Variants in GRSF1 observed in about 807,000 individuals in gnomAD.
GRSF1 encodes the protein G-rich sequence factor 1.
A neutral mutation model predicts 51.1 loss-of-function variants in GRSF1; 50 were observed. The observed-to-expected ratio is 0.98, with a 90% CI of 0.78 to 1.24. The LOEUF (loss-of-function observed/expected upper bound fraction) is 1.24, where lower values mean the gene tolerates loss of function less well. GRSF1 is among the 50% of genes most tolerant of loss of function. The pLI is 0.00. For missense variants in GRSF1, 700 were observed against 639.7 expected (o/e 1.09, Z -1.02); for synonymous variants, 293 against 253.3 (o/e 1.16, Z -1.49).
chr4:70,825,454 C>G (rs368308484), intron 7 of GRSF1, 23 bp from the exon 8 acceptor site: 1 of 1,596,836 alleles, frequency 6.3e-7, no homozygotes, highest in Non-Finnish European at 8.6e-7. Context: ...CAAAGGCAGT[C>G]AAGAGGAACA....
At position 70,839,494 on chromosome 4, in the gene GRSF1, C is replaced by A. The variant is rs1315193608; in HGVS notation, c.334G>T (p.Val112Phe). The change falls in exon 1 of 10, where the codon GTC (valine) becomes TTC (phenylalanine). Residue 112 changes from valine (V) to phenylalanine (F), a missense_variant. Transcript: ENST00000254799. ...LPQSLAAAAA[V>F]PTRSYSQESK... is the part of the protein sequence containing the mutation. ...ACCTGGCTGTAGCTGCGCGTCGGGACGGCGGCCGCCGCCGCCAGCGACTGC... is the reference window on the plus strand; with the variant it reads ...ACCTGGCTGTAGCTGCGCGTCGGGAAGGCGGCCGCCGCCGCCAGCGACTGC... 5 of 1,416,138 alleles carry A rather than the reference C, an allele frequency of 3.5e-6. No homozygotes were observed. The highest frequency in any genetic ancestry group is 1.5e-5 in the African/African-American group (1 of 65,548). The allele number at this position is 1,416,138 out of a possible 1,614,324, so 87.7% of individuals were successfully genotyped here.
intron 9 of GRSF1, among the ~76,000 whole-genome samples, chr4:70,822,691 G>C (rs555880779): frequency 1.3e-5 from 2 of 151,844 alleles, no homozygotes; most frequent in South Asian, 4.2e-4. Context: ...AGTCTATTAC[G>C]ATTTATAGCT....
intron 3 of GRSF1, among the ~76,000 whole-genome samples, 159 bp from the exon 4 acceptor site, chr4:70,832,609 A>G (rs1358376487): frequency 6.6e-6 from 1 of 152,230 alleles, no homozygotes; most frequent in African/African-American, 2.4e-5. Flanking sequence ...CATTTATTGC[A>G]TATTTACCAT....
In GRSF1 at chr4:70,826,137, T is replaced by C. The variant is rs191106349; in HGVS notation, c.1244A>G (p.Gln415Arg). The change falls in exon 7 of 10, where the codon CAA becomes CGA. Residue 415 changes from glutamine to arginine, a missense_variant. Coordinates refer to ENST00000254799, the MANE Select transcript of GRSF1 (RefSeq NM_002092.4). Reference protein sequence around the residue: ...MRGLPFQANAQDIINFFAPLK... With the variant: ...MRGLPFQANARDIINFFAPLK... ...ACTGCCACACACGTTTATAATGTCT[T>C]GGGCATTGGCTTGGAAAGGTAATCC... The C allele has an allele frequency of 1.9e-6, 3 of 1,611,374 alleles. No homozygotes were observed. The highest frequency in any genetic ancestry group is 1.7e-5 in the Admixed American group (1 of 59,446).
chr4:70,833,124 C>A lies in GRSF1; in HGVS notation c.664G>T (p.Val222Leu). 1 of 1,613,466 alleles carries A rather than the reference C, an allele frequency of 6.2e-7. No individual in the cohort carries two copies. The highest frequency in any genetic ancestry group is 8.5e-7 in the Non-Finnish European group (1 of 1,179,682). Reference sequence around the variant, plus strand: ...ATAATCTGACTTCACATACCTTCCACATACCGCTGGCCCATGTACATGCGG... The same window carrying A: ...ATAATCTGACTTCACATACCTTCCAAATACCGCTGGCCCATGTACATGCGG... ...KHRMYMGQRY[V>L]EVYEINNEDV... Residue 222 changes from valine to leucine, a missense_variant, in exon 3 of 10, where the codon GTG becomes TTG. Coordinates refer to ENST00000254799, the MANE Select transcript of GRSF1 (RefSeq NM_002092.4).
Position 70,830,876 on chromosome 4 carries a change from T to C in GRSF1, c.950+663A>G, listed in dbSNP as rs147889953. 2.0e-3 allele frequency among the ~76,000 whole-genome samples: 306 copies of C among 152,232 alleles called. 1 individual carries two copies. The highest frequency in any genetic ancestry group is 7.0e-3 in the African/African-American group (292 of 41,524). On this transcript the variant is annotated intron_variant, in intron 5 of 9. Coordinates refer to ENST00000254799, the MANE Select transcript of GRSF1 (RefSeq NM_002092.4). ...ATTGGGAAAATGCTATTATGAACTG[T>C]TATTAGATAATATACTATTGCTAAC...
chr4:70,830,595 A>G (rs1324913502), intron 5 of GRSF1, among the ~76,000 whole-genome samples: 6 of 151,598 alleles, frequency 4.0e-5, no homozygotes, highest in South Asian at 2.1e-4. Context: ...GAGGTGGGTG[A>G]ATGACTTGAG....
intron 5 of GRSF1, among the ~76,000 whole-genome samples, chr4:70,830,410 A>T (rs956903344): frequency 1.3e-5 from 2 of 151,020 alleles, no homozygotes; most frequent in Non-Finnish European, 2.9e-5. Flanking sequence ...ATGCCACTGC[A>T]CTCCAGCCTG....
chr4:70,832,437 G>A lies in GRSF1; in HGVS notation c.684C>T (p.Asn228=), dbSNP rs766546049. ...TCATTAAGGCATCCACATCTTCATTGTTTATCTCATATACTACGAAGAAAA... is the reference window on the plus strand; with the variant it reads ...TCATTAAGGCATCCACATCTTCATTATTTATCTCATATACTACGAAGAAAA... ...GQRYVEVYEI[N]NEDVDALMKS... The change falls in exon 4 of 10, where the codon AAC becomes AAT. Residue 228 remains asparagine, a synonymous_variant. Transcript: ENST00000254799. The A allele has an allele frequency of 1.1e-4, 180 of 1,603,648 alleles. No individual in the cohort carries two copies. Among genetic ancestry groups the A allele is most frequent in the Non-Finnish European group, 1.5e-4 (172 of 1,170,966 alleles).
chr4:70,830,058 ACTGAT>A (rs1733896460), intron 5 of GRSF1, among the ~76,000 whole-genome samples: 1 of 152,226 alleles, frequency 6.6e-6, no homozygotes, highest in African/African-American at 2.4e-5. Context: ...GTACAAGACA[ACTGAT>A]CTAATTTCTT....
Position 70,839,492 on chromosome 4 carries a change from G to T in GRSF1, c.336C>A (p.Val112=), listed in dbSNP as rs904272603. The T allele has an allele frequency of 2.1e-6, 3 of 1,424,410 alleles. No homozygotes were observed. The highest frequency in any genetic ancestry group is 6.0e-5 in the East Asian group (2 of 33,364). The allele number at this position is 1,424,410 out of a possible 1,614,324, so 88.2% of individuals were successfully genotyped here. A position where few individuals can be genotyped will look rare whatever the true frequency, so the allele number is the denominator to read the frequency against. The change falls in exon 1 of 10, where the codon GTC becomes GTA. Residue 112 remains valine (V), a synonymous_variant. Transcript: ENST00000254799. ...LPQSLAAAAA[V]PTRSYSQESK... is the part of the protein sequence containing the mutation. Reference sequence around the variant, plus strand: ...GTACCTGGCTGTAGCTGCGCGTCGGGACGGCGGCCGCCGCCGCCAGCGACT... The same window carrying T: ...GTACCTGGCTGTAGCTGCGCGTCGGTACGGCGGCCGCCGCCGCCAGCGACT...
chr4:70,821,761 C>G (rs1041425508), intron 9 of GRSF1, among the ~76,000 whole-genome samples: 1 of 151,380 alleles, frequency 6.6e-6, no homozygotes, highest in East Asian at 2.0e-4. Context: ...CTGCAACCTC[C>G]GCCTCCCAGA....
At position 70,828,117 on chromosome 4, in the gene GRSF1, A is replaced by G. The variant is rs1011673357; in HGVS notation, c.951-81T>C. 5 of 980,752 alleles carry G rather than the reference A, an allele frequency of 5.1e-6. No homozygotes were observed. The African/African-American group carries it at 8.2e-5, about 16-fold the overall frequency. The allele number at this position is 980,752 out of a possible 1,614,324, so 60.8% of individuals were successfully genotyped here. ...ACTCATTTAAAATAAACATGTATAC[A>G]TTATATTTCCAACAGCTTATGAAAC... is the stretch of plus-strand genomic sequence containing the variant. On this transcript the variant is annotated intron_variant, in intron 5 of 9. Transcript: ENST00000254799.
In GRSF1 at chr4:70,824,298, T is replaced by C. The variant is rs1461722554; in HGVS notation, c.*21A>G. 1.5e-6 allele frequency: 2 copies of C among 1,308,190 alleles called. No individual in the cohort carries two copies. The highest frequency in any genetic ancestry group is 2.4e-5 in the East Asian group (1 of 42,080). The allele number at this position is 1,308,190 out of a possible 1,614,324, so 81.0% of individuals were successfully genotyped here. A position where few individuals can be genotyped will look rare whatever the true frequency, so the allele number is the denominator to read the frequency against. ...AGTATTACCTCTTAAATTTACCTTA[T>C]TATCTGGAGCCCCTAGAGTCTTATT... On this transcript the variant is annotated 3_prime_UTR_variant, in exon 9 of 10. Transcript: ENST00000254799.
intron 3 of GRSF1, 66 bp from the exon 4 acceptor site, chr4:70,832,516 A>T: frequency 1.1e-6 from 1 of 912,138 alleles, no homozygotes; most frequent in Non-Finnish European, 1.7e-6. Context: ...CATTAAAAAA[A>T]ATCATTACAA....
At chr4:70,841,139 T>TA (rs1362274498), upstream of GRSF1, among the ~76,000 whole-genome samples, 1 of 151,676 alleles carries the variant, frequency 6.6e-6, no homozygotes, top group Non-Finnish European at 1.5e-5. Flanking sequence ...ATACAAAAAA[T>TA]AAATAAAGCT....
chr4:70,834,589 T>C (rs916379768), intron 2 of GRSF1, among the ~76,000 whole-genome samples: 2 of 152,168 alleles, frequency 1.3e-5, no homozygotes, highest in African/African-American at 4.8e-5. Context: ...ACAGATAATT[T>C]AGTTACCCAG....
intron 8 of GRSF1, 100 bp downstream of exon 8, chr4:70,825,196 A>G: frequency 1.1e-6 from 1 of 947,676 alleles, no homozygotes; most frequent in Non-Finnish European, 1.5e-6. Flanking sequence ...AAGAATACAA[A>G]TTTCTCAAGG....
upstream of GRSF1, among the ~76,000 whole-genome samples, chr4:70,841,804 A>C (rs918555906): frequency 6.6e-5 from 10 of 152,250 alleles, no homozygotes; most frequent in African/African-American, 1.2e-4. Flanking sequence ...CTGGAGTATC[A>C]AAGAAAAAGG....
Sources: allele counts gnomAD v4.1 joint callset (sites outside exome capture counted in the v4.1 genomes callset), GRCh38; gene constraint gnomAD v4.1.1; transcripts MANE v1.5; gene names NCBI Gene and HGNC (gene_info 2026-07-23, HGNC 2026-07-21).